SQSTM1: variants seen among roughly 807,000 people sequenced by gnomAD.
SQSTM1 encodes sequestosome-1.
SQSTM1 carries 36 observed loss-of-function variants against 45.1 expected under a neutral mutation model. That is an observed-to-expected ratio of 0.80 (90% CI 0.61 to 1.05). The LOEUF (loss-of-function observed/expected upper bound fraction) is 1.05, where lower values mean the gene tolerates loss of function less well. SQSTM1 is among the 50% of genes least tolerant of loss of function. The probability of loss-of-function intolerance (pLI) is 0.00; values close to 1 mark genes in which losing one functional copy is unlikely to be tolerated. For synonymous variants in SQSTM1, 290 were observed against 244.3 expected (o/e 1.19, Z -1.74); for missense variants, 617 against 607.1 (o/e 1.02, Z -0.17).
At chr5:179,830,907 T>C (rs1390817486) in intron 5 of SQSTM1, among the ~76,000 whole-genome samples, 1 of 152,108 alleles carries the variant, frequency 6.6e-6, no homozygotes, top group Non-Finnish European at 1.5e-5. Context: ...CTTGCCATGC[T>C]GCCCAGGCCG....
At chr5:179,831,513 T>C (rs1758216269) in intron 5 of SQSTM1, among the ~76,000 whole-genome samples, 1 of 151,966 alleles carries the variant, frequency 6.6e-6, no homozygotes, top group South Asian at 2.1e-4. Flanking sequence ...AATATAAAAA[T>C]TAGCTGGGCG....
Position 179,821,101 on chromosome 5 carries a change from C to A in SQSTM1, c.165C>A (p.Phe55Leu), listed in dbSNP as rs886060501. 1 of 1,421,346 alleles carries A rather than the reference C, an allele frequency of 7.0e-7. No individual in the cohort carries two copies. 88.0% of individuals were successfully genotyped at this position (1,421,346 alleles called of 1,614,324 possible). A position where few individuals can be genotyped will look rare whatever the true frequency, so the allele number is the denominator to read the frequency against. Residue 55 changes from phenylalanine to leucine, a missense_variant, in exon 1 of 8, where the codon TTC (phenylalanine) becomes TTA (leucine). By Grantham distance (22) the Phe-to-Leu change is conservative. Coordinates refer to ENST00000389805, the MANE Select transcript of SQSTM1 (RefSeq NM_003900.5). ...ERLLSRVAAL[F>L]PALRPGGFQA... Reference sequence around the variant, plus strand: ...TGCTGAGCCGGGTGGCCGCCCTGTTCCCCGCGCTGCGGCCTGGCGGCTTCC... The same window carrying A: ...TGCTGAGCCGGGTGGCCGCCCTGTTACCCGCGCTGCGGCCTGGCGGCTTCC...
chr5:179,811,136 G>A (rs1757382510), intron 1 of SQSTM1, among the ~76,000 whole-genome samples: 2 of 152,158 alleles, frequency 1.3e-5, no homozygotes, highest in Non-Finnish European at 2.9e-5. Context: ...GGGAGGCTGA[G>A]GCAGGAGAAT....
At chr5:179,833,839 C>T (rs905638486) in intron 7 of SQSTM1, 57 bp downstream of exon 7, 55 of 1,571,226 alleles carry the variant, frequency 3.5e-5, no homozygotes, top group Non-Finnish European at 4.7e-5. Context: ...GAGCATCCTG[C>T]CCTCCTCTGA....
intron 5 of SQSTM1, among the ~76,000 whole-genome samples, chr5:179,832,266 C>T (rs1390836481): frequency 6.6e-6 from 1 of 152,202 alleles, no homozygotes; most frequent in Non-Finnish European, 1.5e-5. Flanking sequence ...GCACCACAGC[C>T]TTTGGCAACT....
intron 5 of SQSTM1, among the ~76,000 whole-genome samples, chr5:179,825,979 C>T (rs1027868357): frequency 1.3e-5 from 2 of 152,158 alleles, no homozygotes; most frequent in East Asian, 1.9e-4. Context: ...CGCTGGGACA[C>T]CTGCATCTCT....
chr5:179,814,454 G>C (rs969360966), upstream of SQSTM1, among the ~76,000 whole-genome samples: 4 of 152,154 alleles, frequency 2.6e-5, no homozygotes, highest in Admixed American at 6.5e-5. Flanking sequence ...TAATCAGTCA[G>C]GATAGGCTGG....
intron 5 of SQSTM1, among the ~76,000 whole-genome samples, chr5:179,826,460 C>T (rs1757992610): frequency 6.6e-6 from 1 of 152,106 alleles, no homozygotes. Context: ...AACCACTGCG[C>T]CTGGCCTTGC....
rs757493001 is a variant in SQSTM1 at position 179,833,143 on chromosome 5, G to C, written c.866G>C (p.Cys289Ser). 1 of 1,614,220 alleles carries C rather than the reference G, an allele frequency of 6.2e-7. No homozygotes were observed. Among genetic ancestry groups the C allele is most frequent in the Non-Finnish European group, 8.5e-7 (1 of 1,180,026 alleles). The change falls in exon 6 of 8, where the codon TGC (cysteine) becomes TCC (serine). Residue 289 changes from cysteine to serine, a missense_variant. Cys to Ser is a moderately radical substitution (Grantham distance 112, BLOSUM62 -1). Coordinates refer to ENST00000389805, the MANE Select transcript of SQSTM1 (RefSeq NM_003900.5). ...EEKSSSQPSS[C>S]CSDPSKPGGN... is the part of the protein sequence containing the mutation. ...AAGAGCAGCTCACAGCCAAGCAGCT[G>C]CTGCTCTGACCCCAGCAAGCCGGGT... is the stretch of plus-strand genomic sequence containing the variant.
rs746082405 is a variant in SQSTM1, at chr5:179,837,587, G to A, written c.*994G>A. ...CCGAGGAAGCTGGACAGCGGCAGTG[G>A]GCCTGCTGAGGCCTTCTCTTGAGGC... is the stretch of plus-strand genomic sequence containing the variant. On this transcript the variant is annotated 3_prime_UTR_variant, in exon 8 of 8. Coordinates refer to ENST00000389805, the MANE Select transcript of SQSTM1 (RefSeq NM_003900.5). 1.2e-6 allele frequency: 2 copies of A among 1,614,148 alleles called. No individual in the cohort carries two copies. The highest frequency in any genetic ancestry group is 2.2e-5 in the East Asian group (1 of 44,890).
Position 179,833,240 on chromosome 5 carries a change from C to T in SQSTM1, c.963C>T (p.Arg321=). 6.3e-7 allele frequency: 1 copy of T among 1,579,938 alleles called. No individual in the cohort carries two copies. Among genetic ancestry groups the T allele is most frequent in the South Asian group, 1.1e-5 (1 of 88,116 alleles). Residue 321 remains arginine (R), a synonymous_variant, in exon 6 of 8, where the codon CGC becomes CGT. Coordinates refer to ENST00000389805, the MANE Select transcript of SQSTM1 (RefSeq NM_003900.5). Reference sequence around the variant, plus strand: ...AGATCGCCTTGGAGTCCGAGGGGCGCCCTGAGGCAAGCCTGTGCCCCTCCC... The same window carrying T: ...AGATCGCCTTGGAGTCCGAGGGGCGTCCTGAGGCAAGCCTGTGCCCCTCCC... ...MRKIALESEG[R]PEEQMESDNC...
upstream of SQSTM1, chr5:179,820,855 G>A: frequency 7.6e-7 from 1 of 1,308,212 alleles, no homozygotes; most frequent in Non-Finnish European, 1.0e-6. Context: ...CTCGAGGCGG[G>A]GCGGGGCCTC....
upstream of SQSTM1, among the ~76,000 whole-genome samples, chr5:179,814,253 A>G (rs1757515657): frequency 6.6e-6 from 1 of 152,168 alleles, no homozygotes; most frequent in Non-Finnish European, 1.5e-5. Flanking sequence ...TGACATAACC[A>G]TCCAGGAGAA....
rs1274935409 is a variant in SQSTM1 at position 179,833,622 on chromosome 5, T to C, written c.1005T>C (p.Asp335=). 4 of 1,614,042 alleles carry C rather than the reference T, an allele frequency of 2.5e-6. No homozygotes were observed. Among genetic ancestry groups the C allele is most frequent in the Admixed American group, 1.7e-5 (1 of 60,000 alleles). Residue 335 remains aspartate, a synonymous_variant, in exon 7 of 8, where the codon GAT becomes GAC. Coordinates refer to ENST00000389805, the MANE Select transcript of SQSTM1 (RefSeq NM_003900.5). ...QMESDNCSGG[D]DDWTHLSSKE... ...AGTCGGATAACTGTTCAGGAGGAGA[T>C]GATGACTGGACCCATCTGTCTTCAA... is the stretch of plus-strand genomic sequence containing the variant.
Position 179,837,370 on chromosome 5 carries a change from T to A in SQSTM1, c.*777T>A. 1 of 1,581,650 alleles carries A rather than the reference T, an allele frequency of 6.3e-7. No homozygotes were observed. The highest frequency in any genetic ancestry group is 8.6e-7 in the Non-Finnish European group (1 of 1,162,876). Reference sequence around the variant, plus strand: ...TCCCTCCTAACAAGTGTATCTCGATTAATAACCTGCCAGTCCCAGATCACA... The same window carrying A: ...TCCCTCCTAACAAGTGTATCTCGATAAATAACCTGCCAGTCCCAGATCACA... On this transcript the variant is annotated 3_prime_UTR_variant, in exon 8 of 8. Coordinates refer to ENST00000389805, the MANE Select transcript of SQSTM1 (RefSeq NM_003900.5).
upstream of SQSTM1, among the ~76,000 whole-genome samples, chr5:179,817,120 G>A (rs1402908263): frequency 6.6e-6 from 1 of 152,000 alleles, no homozygotes; most frequent in Non-Finnish European, 1.5e-5. Flanking sequence ...TGGGGTCAGC[G>A]CTGGCGTCGC....
intron 7 of SQSTM1, 199 bp from the exon 8 acceptor site, chr5:179,836,237 A>G (rs1582029257): frequency 3.0e-6 from 2 of 671,898 alleles, no homozygotes; most frequent in South Asian, 1.7e-5. Flanking sequence ...TCGCAGTGGC[A>G]GAGTTGAGCA....
chr5:179,820,900 C>T (rs754345060), upstream of SQSTM1: 4 of 1,469,002 alleles, frequency 2.7e-6, no homozygotes, highest in Non-Finnish European at 3.6e-6. Context: ...GCGGCTGCGA[C>T]CGGGACGGCC....
chr5:179,829,311 G>A (rs1263734270), intron 5 of SQSTM1, among the ~76,000 whole-genome samples: 2 of 152,184 alleles, frequency 1.3e-5, no homozygotes, highest in African/African-American at 4.8e-5. Context: ...CCCCAGAGAA[G>A]TGTCCTACAG....
Sources: allele counts gnomAD v4.1 joint callset (sites outside exome capture counted in the v4.1 genomes callset), GRCh38; gene constraint gnomAD v4.1.1; transcripts MANE v1.5; gene names NCBI Gene and HGNC (gene_info 2026-07-23, HGNC 2026-07-21).